Variants in STPG2 observed in about 807,000 individuals in gnomAD.
The protein encoded by STPG2 is sperm tail PG-rich repeat containing 2, also known as sperm-tail PG-rich repeat-containing protein 2.
In STPG2, 56 loss-of-function variants were observed where a neutral mutation model predicts 54.2. The observed-to-expected ratio is 1.03, with a 90% confidence interval of 0.83 to 1.29. The LOEUF is 1.29. Among genes scored for constraint, STPG2 ranks in the 50% most tolerant of loss-of-function variants. STPG2 has a pLI of 0.00. For missense variants in STPG2, 596 were observed against 544.9 expected (o/e 1.09, Z -0.93); for synonymous variants, 200 against 181.8 (o/e 1.10, Z -0.81).
At position 98,090,645 on chromosome 4, in the gene STPG2, G is replaced by A. The variant is rs114808052; in HGVS notation, c.612+15308C>T. 8.5e-3 allele frequency among the ~76,000 whole-genome samples: 1,287 copies of A among 151,970 alleles called. 16 individuals carry two copies. The highest frequency in any genetic ancestry group is 0.029 in the African/African-American group (1,217 of 41,460). ...GCATTGAATCTGTAGATTGCTTTGC[G>A]CAACATGGTTATTTTCACAATATTG... On this transcript the variant is annotated intron_variant, in intron 5 of 10. Coordinates refer to ENST00000295268, the MANE Select transcript of STPG2 (RefSeq NM_174952.3).
chr4:97,995,879 G>C (rs1022092620), intron 5 of STPG2, among the ~76,000 whole-genome samples: 6 of 152,038 alleles, frequency 3.9e-5, no homozygotes, highest in Non-Finnish European at 5.9e-5. Context: ...CTGGATAATG[G>C]AGGCAGATTT....
intron 9 of STPG2, among the ~76,000 whole-genome samples, chr4:97,726,239 T>TA (rs1724621875): frequency 6.6e-6 from 1 of 151,890 alleles, no homozygotes; most frequent in African/African-American, 2.4e-5. Context: ...ATGAGGTGGC[T>TA]AAAGTAGTCA....
intron 4 of STPG2, among the ~76,000 whole-genome samples, chr4:97,536,614 C>G (rs1320153104): frequency 1.3e-5 from 2 of 152,084 alleles, no homozygotes; most frequent in Non-Finnish European, 2.9e-5. Flanking sequence ...GAGAATGGTC[C>G]CAAACTAGGT....
intron 10 of STPG2, among the ~76,000 whole-genome samples, chr4:97,562,758 A>C (rs1732293419): frequency 6.6e-6 from 1 of 151,998 alleles, no homozygotes; most frequent in African/African-American, 2.4e-5. Flanking sequence ...TGATTTGCGT[A>C]TATTGAACCA....
intron 4 of STPG2, among the ~76,000 whole-genome samples, chr4:97,528,328 C>A (rs1452027685): frequency 2.0e-5 from 3 of 152,094 alleles, no homozygotes; most frequent in Admixed American, 2.0e-4. Context: ...GGCACTATTT[C>A]TGAGGCCTCT....
In STPG2 at chr4:97,943,942, A is replaced by C. The variant is rs778226443; in HGVS notation, c.999T>G (p.Ala333=). 7 of 1,596,902 alleles carry C rather than the reference A, an allele frequency of 4.4e-6. No individual in the cohort carries two copies. The highest frequency in any genetic ancestry group is 6.0e-6 in the Non-Finnish European group (7 of 1,174,968). ...TTCTTTTGGCTCTTGACAAGAAAGC[A>C]GCATATTTGTTAGTCAAGTTAGGTA... is the stretch of plus-strand genomic sequence containing the variant. ...DELPNLTNKY[A]AFLSRAKRTM... Residue 333 remains alanine (A), a synonymous_variant, in exon 8 of 11, where the codon GCT becomes GCG. Coordinates refer to ENST00000295268, the MANE Select transcript of STPG2 (RefSeq NM_174952.3).
chr4:98,060,534 G>T (rs773284467), intron 5 of STPG2, among the ~76,000 whole-genome samples: 1 of 152,014 alleles, frequency 6.6e-6, no homozygotes, highest in Admixed American at 6.6e-5. Flanking sequence ...TCAAACTACC[G>T]AAGACATTAT....
intron 10 of STPG2, among the ~76,000 whole-genome samples, chr4:97,576,647 G>A (rs1732730762): frequency 6.6e-6 from 1 of 152,042 alleles, no homozygotes; most frequent in Admixed American, 6.6e-5. Flanking sequence ...AAAAATCCTA[G>A]AAGAAAACTT....
chr4:98,022,748 C>A (rs1736264390), intron 5 of STPG2, among the ~76,000 whole-genome samples: 1 of 152,164 alleles, frequency 6.6e-6, no homozygotes, highest in African/African-American at 2.4e-5. Context: ...AACTTCCCTT[C>A]TTGCTTCATT....
chr4:97,836,454 T>C (rs1728635356), intron 9 of STPG2, among the ~76,000 whole-genome samples: 1 of 151,924 alleles, frequency 6.6e-6, no homozygotes, highest in Admixed American at 6.6e-5. Context: ...TAATAGACTA[T>C]AGTATAGTCT....
At chr4:97,454,036 C>T (rs1729447208) in intron 4 of STPG2, among the ~76,000 whole-genome samples, 1 of 152,050 alleles carries the variant, frequency 6.6e-6, no homozygotes, top group Admixed American at 6.6e-5. Flanking sequence ...GAGACTAAAA[C>T]TCAAGATTGT....
intron 4 of STPG2, among the ~76,000 whole-genome samples, chr4:97,497,844 T>A (rs1202016868): frequency 6.6e-6 from 1 of 151,920 alleles, no homozygotes; most frequent in African/African-American, 2.4e-5. Flanking sequence ...ACATACACAT[T>A]CTTCTGATGC....
At chr4:98,050,086 A>G (rs1245882527) in intron 5 of STPG2, among the ~76,000 whole-genome samples, 6 of 152,186 alleles carry the variant, frequency 3.9e-5, no homozygotes, top group Non-Finnish European at 8.8e-5. Flanking sequence ...AACTATATCA[A>G]CCAATTACAA....
chr4:97,582,192 A>C, intron 10 of STPG2, among the ~76,000 whole-genome samples: 1 of 152,066 alleles, frequency 6.6e-6, no homozygotes, highest in East Asian at 1.9e-4. Flanking sequence ...CTTTAGAACC[A>C]ATACTTTCTG....
intron 10 of STPG2, among the ~76,000 whole-genome samples, chr4:97,698,286 T>C (rs1412691276): frequency 6.6e-6 from 1 of 152,114 alleles, no homozygotes; most frequent in Non-Finnish European, 1.5e-5. Context: ...GGCATGGCAA[T>C]ACTAAGAGAC....
chr4:97,999,024 A>G (rs1042523452), intron 5 of STPG2, among the ~76,000 whole-genome samples: 1 of 152,006 alleles, frequency 6.6e-6, no homozygotes, highest in African/African-American at 2.4e-5. Context: ...TTTTTTCTGT[A>G]ATAAACTATA....
chr4:98,105,955 T>C lies in STPG2; in HGVS notation c.610A>G (p.Lys204Glu). Residue 204 changes from lysine (K) to glutamate (E), a missense_variant and splice_region_variant, in exon 5 of 11, where the codon AAG becomes GAG. Coordinates refer to ENST00000295268, the MANE Select transcript of STPG2 (RefSeq NM_174952.3). ...GCATTAGCCACTTTTCAACTTACCT[T>C]TTTTTTCTCCTGCAATACTATTATT... ...YEIIVLQEKKKRFLPMKSITP... is the reference protein window; with the variant it reads ...YEIIVLQEKKERFLPMKSITP... 6.4e-7 allele frequency: 1 copy of C among 1,562,506 alleles called. No homozygotes were observed. Among genetic ancestry groups the C allele is most frequent in the Non-Finnish European group, 8.7e-7 (1 of 1,142,972 alleles).
At chr4:97,860,959 T>C (rs11943743) in intron 8 of STPG2, among the ~76,000 whole-genome samples, 3,310 of 152,170 alleles carry the variant, frequency 0.022, 112 homozygotes, top group African/African-American at 0.074. Context: ...AGTAATACCC[T>C]ACAAGCACAG....
At chr4:97,949,856 T>C (rs910039550) in intron 7 of STPG2, among the ~76,000 whole-genome samples, 1 of 150,398 alleles carries the variant, frequency 6.6e-6, no homozygotes, top group Non-Finnish European at 1.5e-5. Context: ...GATGACTATA[T>C]GCCTTTGTGT....
Sources: gnomAD v4.1 joint callset for allele counts (sites outside exome capture counted in the v4.1 genomes callset) on GRCh38, gnomAD v4.1.1 for gene constraint, MANE v1.5 for transcripts, NCBI Gene and HGNC (gene_info 2026-07-23, HGNC 2026-07-21) for gene names.